Variants in VPS13B observed in about 807,000 individuals in gnomAD.
VPS13B encodes vacuolar protein sorting 13 homolog B.
VPS13B carries 285 observed loss-of-function variants against 426.4 expected under a neutral mutation model. That is an observed-to-expected ratio of 0.67 (90% CI 0.61 to 0.74). VPS13B has a LOEUF of 0.74. Among genes scored for constraint, VPS13B ranks in the 30% least tolerant of loss-of-function variants. The pLI, the probability that VPS13B is intolerant of heterozygous loss-of-function variation, is 0.00. For synonymous variants in VPS13B, 1,676 were observed against 1,676.4 expected, an observed-to-expected ratio of 1.00 and a Z score of 0.01; for missense variants, 4,537 against 4,782.6, an observed-to-expected ratio of 0.95 and a Z score of 1.51.
chr8:99,596,154 A>G (rs1164931130), intron 33 of VPS13B, among the ~76,000 whole-genome samples: 1 of 151,964 alleles, frequency 6.6e-6, no homozygotes, highest in Non-Finnish European at 1.5e-5. Flanking sequence ...CAACTACTGC[A>G]CTAAAGTATC....
chr8:99,720,241 G>A, intron 37 of VPS13B, 104 bp from the exon 38 acceptor site: 1 of 913,640 alleles, frequency 1.1e-6, no homozygotes, highest in Admixed American at 2.4e-5. Context: ...TAATTAAATT[G>A]AACATAATTA....
chr8:99,035,134 G>A (rs1428645789), intron 2 of VPS13B, among the ~76,000 whole-genome samples: 1 of 152,168 alleles, frequency 6.6e-6, no homozygotes, highest in African/African-American at 2.4e-5. Context: ...TCAGTGAGCT[G>A]ATTGTGCCAC....
intron 31 of VPS13B, among the ~76,000 whole-genome samples, chr8:99,561,763 G>A (rs1824934058): frequency 6.6e-6 from 1 of 152,162 alleles, no homozygotes; most frequent in African/African-American, 2.4e-5. Context: ...AGTTTGTCAG[G>A]ATGGAACCCC....
chr8:99,508,190 A>G (rs1821599475), intron 28 of VPS13B, among the ~76,000 whole-genome samples: 1 of 152,194 alleles, frequency 6.6e-6, no homozygotes, highest in Non-Finnish European at 1.5e-5. Context: ...TTGAATGATC[A>G]AGAGTTGACC....
intron 8 of VPS13B, 74 bp from the exon 9 acceptor site, chr8:99,134,558 A>G (rs1196382295): frequency 8.0e-6 from 10 of 1,249,548 alleles, no homozygotes; most frequent in South Asian, 2.7e-5. Flanking sequence ...GTTTTAATCA[A>G]TTAATCATCA....
intron 30 of VPS13B, chr8:99,528,006 A>G (rs1045170559): frequency 1.1e-4 from 16 of 152,094 alleles, no homozygotes; most frequent in Non-Finnish European, 1.9e-4. Context: ...GTTGTGCAAT[A>G]TGCTGGTGTA....
At chr8:99,687,578 C>T (rs1172139139) in intron 35 of VPS13B, among the ~76,000 whole-genome samples, 8 of 151,978 alleles carry the variant, frequency 5.3e-5, no homozygotes, top group Non-Finnish European at 1.2e-4. Context: ...ACCAGCTGAG[C>T]TCTGCCTGGT....
chr8:99,526,497 G>A (rs1290468942), intron 30 of VPS13B, among the ~76,000 whole-genome samples: 1 of 152,152 alleles, frequency 6.6e-6, no homozygotes, highest in Non-Finnish European at 1.5e-5. Context: ...GTGGTGAGAA[G>A]TGGTCAGATT....
At chr8:99,333,454 A>G (rs994801789) in intron 19 of VPS13B, among the ~76,000 whole-genome samples, 5 of 151,796 alleles carry the variant, frequency 3.3e-5, no homozygotes, top group African/African-American at 1.2e-4. Context: ...CACCCCAACC[A>G]GGATACTGAC....
intron 39 of VPS13B, among the ~76,000 whole-genome samples, chr8:99,751,388 G>C (rs1420170247): frequency 6.6e-6 from 1 of 152,088 alleles, no homozygotes; most frequent in Non-Finnish European, 1.5e-5. Flanking sequence ...AATTTGGACT[G>C]TAAAGACATA....
chr8:99,298,608 G>GTT (rs1362616253), intron 19 of VPS13B, among the ~76,000 whole-genome samples: 3 of 152,160 alleles, frequency 2.0e-5, no homozygotes, highest in Non-Finnish European at 2.9e-5. Context: ...TCAATGACAT[G>GTT]TAAGTATTTT....
chr8:99,058,474 A>G (rs1844005010), intron 3 of VPS13B, among the ~76,000 whole-genome samples: 1 of 151,912 alleles, frequency 6.6e-6, no homozygotes, highest in Admixed American at 6.6e-5. Context: ...TTGTATTTCT[A>G]CTATGGTAAA....
At chr8:99,332,269 A>G (rs1208050662) in intron 19 of VPS13B, among the ~76,000 whole-genome samples, 3 of 151,694 alleles carry the variant, frequency 2.0e-5, no homozygotes, top group African/African-American at 7.2e-5. Flanking sequence ...CATAAAGAAA[A>G]TGGCTAAATA....
At chr8:99,473,555 TATC>T (rs1201514316) in intron 24 of VPS13B, among the ~76,000 whole-genome samples, 1 of 152,064 alleles carries the variant, frequency 6.6e-6, no homozygotes, top group African/African-American at 2.4e-5. Flanking sequence ...CAATGGTAAA[TATC>T]ATACGTAATG....
chr8:99,075,159 T>A (rs1845052189), intron 3 of VPS13B, among the ~76,000 whole-genome samples: 1 of 152,328 alleles, frequency 6.6e-6, no homozygotes, highest in African/African-American at 2.4e-5. Context: ...TGTTACACAT[T>A]ATTGATGTGC....
intron 43 of VPS13B, among the ~76,000 whole-genome samples, chr8:99,793,488 A>G (rs1489095799): frequency 6.6e-6 from 1 of 151,988 alleles, no homozygotes; most frequent in Non-Finnish European, 1.5e-5. Flanking sequence ...GTGAAACAAC[A>G]TCTTTAAATT....
intron 2 of VPS13B, among the ~76,000 whole-genome samples, chr8:99,037,431 T>C (rs542166292): frequency 4.6e-5 from 7 of 152,114 alleles, no homozygotes; most frequent in African/African-American, 1.7e-4. Context: ...ATACAAATTT[T>C]ACAGATAATG....
chr8:99,855,589 G>A (rs1000929931), intron 56 of VPS13B, among the ~76,000 whole-genome samples: 1 of 152,164 alleles, frequency 6.6e-6, no homozygotes, highest in Non-Finnish European at 1.5e-5. Flanking sequence ...CTTTCTGAAA[G>A]TAACAGAGGA....
At chr8:99,164,704 T>C (rs2132648434) in intron 15 of VPS13B, among the ~76,000 whole-genome samples, 2 of 151,354 alleles carry the variant, frequency 1.3e-5, no homozygotes, top group Admixed American at 1.3e-4. Context: ...CTTTCTCTCT[T>C]CGACTTCTTC....
Sources: gnomAD v4.1 joint callset for allele counts (sites outside exome capture counted in the v4.1 genomes callset) on GRCh38, gnomAD v4.1.1 for gene constraint, MANE v1.5 for transcripts, NCBI Gene and HGNC (gene_info 2026-07-23, HGNC 2026-07-21) for gene names.